MFSD12: variants seen among roughly 807,000 people sequenced by gnomAD.
MFSD12 encodes major facilitator superfamily domain-containing protein 12.
A neutral mutation model predicts 51.2 loss-of-function variants in MFSD12; 67 were observed. The observed-to-expected ratio is 1.31, with a 90% CI of 1.08 to 1.60. MFSD12 has a LOEUF of 1.60. MFSD12 is among the 40% of genes most tolerant of loss of function. The pLI, the probability that MFSD12 is intolerant of heterozygous loss-of-function variation, is 0.00. For missense variants in MFSD12, 921 were observed against 673.0 expected, an observed-to-expected ratio of 1.37 and a Z score of -4.08; for synonymous variants, 441 against 316.7, an observed-to-expected ratio of 1.39 and a Z score of -4.17.
downstream of MFSD12, chr19:3,539,522 C>T (rs970496784): frequency 1.6e-5 from 8 of 489,264 alleles, no homozygotes; most frequent in African/African-American, 7.7e-5. Flanking sequence ...CTGGGAGCTT[C>T]GGCCACAGAA....
chr19:3,545,971 T>A (rs1273229385), intron 8 of MFSD12, 103 bp downstream of exon 8: 3 of 1,241,810 alleles, frequency 2.4e-6, no homozygotes, highest in African/African-American at 2.9e-5. Flanking sequence ...GTGTCTTTGG[T>A]CCACAGCTGG....
chr19:3,539,235 G>T, downstream of MFSD12: 1 of 1,550,726 alleles, frequency 6.4e-7, no homozygotes, highest in South Asian at 1.2e-5. Flanking sequence ...GACCCTCGAG[G>T]CCAGCTTCCC....
At chr19:3,541,795 T>C (rs1206049887), downstream of MFSD12, 2 of 984,738 alleles carry the variant, frequency 2.0e-6, no homozygotes, top group Admixed American at 6.2e-5. Context: ...CATTTCTCAT[T>C]GAATATTATT....
Position 3,551,082 on chromosome 19 carries a change from G to A in MFSD12, c.411C>T (p.Ile137=). 1 of 1,613,164 alleles carries A rather than the reference G, an allele frequency of 6.2e-7. No homozygotes were observed. Among genetic ancestry groups the A allele is most frequent in the Non-Finnish European group, 8.5e-7 (1 of 1,180,002 alleles). Residue 137 remains isoleucine, a synonymous_variant, in exon 2 of 10, where the codon ATC becomes ATT. Transcript: ENST00000355415. This position sits in a 1 kb window ranked among gnomAD's most constrained non-coding sequence, Gnocchi z 4.6. ...ALLYYGPFIV[I]FQFGWASTQI... ...GTGTGGAGGCCCAGCCAAACTGGAA[G>A]ATCACGATGAACGGGCCGTAGTAGA...
downstream of MFSD12, chr19:3,542,910 G>T (rs762990003): frequency 1.8e-5 from 26 of 1,433,422 alleles, 1 homozygote; most frequent in South Asian, 2.7e-4. Context: ...GCTGGACAAG[G>T]ACTGTAGGAA....
intron 1 of MFSD12, among the ~76,000 whole-genome samples, chr19:3,554,463 A>AAAAG (rs893203246): frequency 7.1e-6 from 1 of 139,910 alleles, no homozygotes; most frequent in African/African-American, 2.6e-5. Context: ...AAAAAAAAAA[A>AAAAG]AAAGAAAGAA....
chr19:3,542,405 G>A, downstream of MFSD12: 2 of 985,430 alleles, frequency 2.0e-6, no homozygotes, highest in Non-Finnish European at 2.4e-6. Context: ...CAGCAACCTT[G>A]TTTTCTGGGA....
intron 8 of MFSD12, 54 bp from the exon 9 acceptor site, chr19:3,544,993 C>T (rs2030861744): frequency 8.4e-6 from 13 of 1,540,740 alleles, no homozygotes; most frequent in Non-Finnish European, 1.1e-5. Flanking sequence ...CCCCCCGCCA[C>T]CCAAGCTGAA....
chr19:3,546,473 A>G lies in MFSD12; in HGVS notation c.1024-48T>C, dbSNP rs554324256. On this transcript the variant is annotated intron_variant, in intron 6 of 9. Coordinates refer to ENST00000355415, the MANE Select transcript of MFSD12 (RefSeq NM_174983.5). The stretch of plus-strand genomic sequence containing the variant: ...AGGCCCACACCACTGGGTGCCCCCA[A>G]GCCTGGCGCTTCAATCCGCCACCCC... 41 of 1,551,644 alleles carry G rather than the reference A, an allele frequency of 2.6e-5. No individual in the cohort carries two copies. In the South Asian group the frequency reaches 4.5e-4, roughly 17 times the overall value.
intron 1 of MFSD12, among the ~76,000 whole-genome samples, chr19:3,553,728 C>CA (rs35093968): frequency 1.5e-3 from 90 of 61,276 alleles, no homozygotes; most frequent in Middle Eastern, 0.016. Context: ...CTCCATCTCT[C>CA]AAAAAAAAAA....
downstream of MFSD12, chr19:3,543,854 G>A (rs2030685510): frequency 5.8e-6 from 9 of 1,546,278 alleles, no homozygotes; most frequent in South Asian, 8.4e-5. Context: ...GGTACGGGGT[G>A]GAGCCACTGT....
chr19:3,542,922 C>A, downstream of MFSD12: 2 of 1,449,552 alleles, frequency 1.4e-6, no homozygotes, highest in Non-Finnish European at 1.9e-6. Context: ...CTGTAGGAAT[C>A]CAGGAGTAGC....
chr19:3,543,311 A>C, downstream of MFSD12: 2 of 1,549,278 alleles, frequency 1.3e-6, no homozygotes, highest in Non-Finnish European at 1.7e-6. Context: ...GTACACGCCC[A>C]TGGGACGGGA....
At position 3,544,460 on chromosome 19, in the gene MFSD12, A is replaced by C; in HGVS notation, c.*250T>G. The C allele has an allele frequency of 1.5e-6, 2 of 1,349,174 alleles. No homozygotes were observed. Among genetic ancestry groups the C allele is most frequent in the Non-Finnish European group, 1.9e-6 (2 of 1,053,038 alleles). The allele number at this position is 1,349,174 out of a possible 1,614,324, so 83.6% of individuals were successfully genotyped here. A position where few individuals can be genotyped will look rare whatever the true frequency, so the allele number is the denominator to read the frequency against. ...TGTTCCCTGCCGAGAGGGGCACCCC[A>C]AATCCTCCAGAGGGCTGGGATGGAT... On this transcript the variant is annotated 3_prime_UTR_variant, in exon 10 of 10. Transcript: ENST00000355415.
downstream of MFSD12, chr19:3,543,289 CACACGCTGGAAGT>C (rs2030589266): frequency 1.3e-6 from 2 of 1,548,406 alleles, no homozygotes; most frequent in African/African-American, 2.7e-5. Flanking sequence ...TCAGGCAGGC[CACACGCTGGAAGT>C]ACACGCCCAT....
At chr19:3,550,936 C>T (rs761741966) in intron 2 of MFSD12, 48 bp downstream of exon 2, 54 of 1,541,250 alleles carry the variant, frequency 3.5e-5, no homozygotes, top group Middle Eastern at 2.2e-4. Flanking sequence ...ACTGATACAC[C>T]GAGCCGGGGC....
intron 4 of MFSD12, chr19:3,539,070 TG>T: frequency 1.4e-6 from 1 of 698,452 alleles, no homozygotes; most frequent in Non-Finnish European, 2.5e-6. Context: ...ACCCCGCAGC[TG>T]GGAGGAGGGA....
chr19:3,550,474 C>T (rs2031409949), intron 2 of MFSD12, among the ~76,000 whole-genome samples: 3 of 151,970 alleles, frequency 2.0e-5, no homozygotes, highest in African/African-American at 7.2e-5. Flanking sequence ...TCACTGCAAG[C>T]TCCACCTCCC....
Position 3,551,549 on chromosome 19 carries a change from G to A in MFSD12, c.299-355C>T, listed in dbSNP as rs753803738. 2.0e-5 allele frequency among the ~76,000 whole-genome samples: 3 copies of A among 152,032 alleles called. No individual in the cohort carries two copies. Among genetic ancestry groups the A allele is most frequent in the Admixed American group, 1.3e-4 (2 of 15,284 alleles). On this transcript the variant is annotated intron_variant, in intron 1 of 9. Transcript: ENST00000355415. This position sits in a 1 kb window ranked among gnomAD's most constrained non-coding sequence, Gnocchi z 4.6. Reference sequence around the variant, plus strand: ...AGCCTCCCATAGGGCCTCGGGGAGCGGGAGGCCCAGGTGGGCCTGGGCTGG... The same window carrying A: ...AGCCTCCCATAGGGCCTCGGGGAGCAGGAGGCCCAGGTGGGCCTGGGCTGG...
Sources: gnomAD v4.1 joint callset for allele counts (sites outside exome capture counted in the v4.1 genomes callset) on GRCh38, gnomAD v4.1.1 for gene constraint, Gnocchi (gnomAD v3.1) non-coding constraint, MANE v1.5 for transcripts, NCBI Gene and HGNC (gene_info 2026-07-23, HGNC 2026-07-21) for gene names.